ZMYM1: variants seen among roughly 807,000 people sequenced by gnomAD.
The protein encoded by ZMYM1 is zinc finger MYM-type protein 1.
In ZMYM1, 39 loss-of-function variants were observed where a neutral mutation model predicts 60.0. That is an observed-to-expected ratio of 0.65 (90% CI 0.50 to 0.85). The LOEUF (loss-of-function observed/expected upper bound fraction) is 0.85, where lower values mean the gene tolerates loss of function less well. ZMYM1 is among the 40% of genes least tolerant of loss of function. ZMYM1 has a pLI of 0.00. For missense variants in ZMYM1, 1,171 were observed against 1,309.5 expected (o/e 0.89, Z 1.63); for synonymous variants, 413 against 454.0 (o/e 0.91, Z 1.15).
In ZMYM1 at chr1:35,097,258, A is replaced by C; in HGVS notation, c.170-59A>C. On this transcript the variant is annotated intron_variant, in intron 3 of 9. Transcript: ENST00000359858. The stretch of plus-strand genomic sequence containing the variant: ...AAAAAGAAAGAAAGAAAATAAAGGA[A>C]TGCCTACTTAATTTTGTGTAAATAA... 7.3e-6 allele frequency: 11 copies of C among 1,511,376 alleles called. No homozygotes were observed. The South Asian group carries it at 1.5e-4, about 20-fold the overall frequency. The allele number at this position is 1,511,376 out of a possible 1,614,324, so 93.6% of individuals were successfully genotyped here.
chr1:35,072,366 T>C (rs1271007453), intron 1 of ZMYM1, among the ~76,000 whole-genome samples: 1 of 152,220 alleles, frequency 6.6e-6, no homozygotes, highest in African/African-American at 2.4e-5. Context: ...TAGTCTCTTA[T>C]GGTCCTTTGA....
intron 8 of ZMYM1, 64 bp from the exon 9 acceptor site, chr1:35,112,023 G>A (rs902820924): frequency 1.3e-6 from 2 of 1,567,810 alleles, no homozygotes; most frequent in Non-Finnish European, 1.7e-6. Context: ...AGCAAATATA[G>A]TTTATGATGC....
intron 3 of ZMYM1, among the ~76,000 whole-genome samples, chr1:35,096,533 G>GTT (rs1553141513): frequency 0.014 from 1,984 of 140,586 alleles, 45 homozygotes; most frequent in African/African-American, 0.047. Flanking sequence ...GAGGCGGGAG[G>GTT]TTTTTTTTTT....
Position 35,088,665 on chromosome 1 carries a change from A to G in ZMYM1, c.-74-5249A>G, listed in dbSNP as rs570781322. On this transcript the variant is annotated intron_variant, in intron 1 of 9. Coordinates refer to ENST00000359858, the MANE Select transcript of ZMYM1 (RefSeq NM_024772.5). ...AGGGCTATATTAAAAGAAAGTCTGT[A>G]GGACTTATTTTACTCTAATGTGCAT... 4.6e-5 allele frequency among the ~76,000 whole-genome samples: 7 copies of G among 151,566 alleles called. No individual in the cohort carries two copies. In the East Asian group the frequency reaches 1.4e-3, roughly 29 times the overall value.
At chr1:35,065,555 G>A (rs921435224) in intron 1 of ZMYM1, among the ~76,000 whole-genome samples, 2 of 151,606 alleles carry the variant, frequency 1.3e-5, no homozygotes, top group Admixed American at 1.3e-4. Context: ...AGGGTGGTTG[G>A]CCAAGAGTCA....
intron 1 of ZMYM1, among the ~76,000 whole-genome samples, chr1:35,090,430 A>G (rs142886069): frequency 8.5e-5 from 13 of 152,310 alleles, no homozygotes; most frequent in African/African-American, 3.1e-4. Flanking sequence ...AGCTATACCT[A>G]ATATAGGTGA....
At chr1:35,076,816 C>T (rs1290222294), upstream of ZMYM1, among the ~76,000 whole-genome samples, 1 of 151,534 alleles carries the variant, frequency 6.6e-6, no homozygotes, top group Non-Finnish European at 1.5e-5. Flanking sequence ...CCGGTAGTCC[C>T]AGCTACTTGA....
At position 35,115,135 on chromosome 1, in the gene ZMYM1, G is replaced by T. The variant is rs942258784; in HGVS notation, c.3305G>T (p.Gly1102Val). The change falls in exon 10 of 10, where the codon GGA (glycine) becomes GTA (valine). Residue 1102 changes from glycine to valine, a missense_variant. Physicochemically the swap from Gly to Val is moderately radical, Grantham distance 109 (BLOSUM62 -3). Transcript: ENST00000359858. ...RLKTYLCNTMGQEKLTGPALM... is the reference protein window; with the variant it reads ...RLKTYLCNTMVQEKLTGPALM... ...AAGACATATTTATGTAATACCATGG[G>T]ACAAGAGAAGCTTACTGGCCCAGCC... 2 of 1,613,958 alleles carry T rather than the reference G, an allele frequency of 1.2e-6. No homozygotes were observed. Among genetic ancestry groups the T allele is most frequent in the African/African-American group, 2.7e-5 (2 of 74,912 alleles).
At chr1:35,085,891 G>T (rs1642627542) in intron 1 of ZMYM1, among the ~76,000 whole-genome samples, 1 of 151,892 alleles carries the variant, frequency 6.6e-6, no homozygotes. Context: ...CACATACTCT[G>T]TGTCTAAATA....
At chr1:35,067,909 T>C (rs1427991045) in intron 1 of ZMYM1, among the ~76,000 whole-genome samples, 4 of 151,810 alleles carry the variant, frequency 2.6e-5, no homozygotes, top group Non-Finnish European at 5.9e-5. Flanking sequence ...CTTATTCATG[T>C]AACCAAACAC....
chr1:35,094,400 GT>G (rs1643197507), intron 2 of ZMYM1, among the ~76,000 whole-genome samples: 1 of 151,866 alleles, frequency 6.6e-6, no homozygotes, highest in Admixed American at 6.6e-5. Context: ...AACACATTTT[GT>G]TTTTGTTTTT....
At chr1:35,100,104 T>G (rs1054900663) in intron 4 of ZMYM1, among the ~76,000 whole-genome samples, 7 of 152,160 alleles carry the variant, frequency 4.6e-5, no homozygotes, top group Non-Finnish European at 1.0e-4. Flanking sequence ...TTGGCCAGGC[T>G]GGTCTCGAAC....
intron 1 of ZMYM1, among the ~76,000 whole-genome samples, chr1:35,092,298 T>C (rs2148511227): frequency 6.6e-6 from 1 of 152,120 alleles, no homozygotes; most frequent in Admixed American, 6.5e-5. Context: ...AGTGGTGCGA[T>C]CTCAGTTCAC....
In ZMYM1 at chr1:35,065,418, A is replaced by G. The variant is rs909551885; in HGVS notation, c.-301+5493A>G. On this transcript the variant is annotated intron_variant, in intron 1 of 10. Coordinates refer to the ZMYM1 transcript ENST00000417119. ...GCTTACTTTATTGTAAGAATATAGTATATAATACATACAGAAAATATAGTT... is the reference window on the plus strand; with the variant it reads ...GCTTACTTTATTGTAAGAATATAGTGTATAATACATACAGAAAATATAGTT... Among the ~76,000 whole-genome samples, 4 of 152,102 alleles carry G rather than the reference A, an allele frequency of 2.6e-5. No homozygotes were observed. In the East Asian group the frequency reaches 5.8e-4, roughly 22 times the overall value.
Position 35,111,869 on chromosome 1 carries a change from C to CA in ZMYM1, c.1060dup (p.Thr354AsnfsTer11). The CA allele has an allele frequency of 6.2e-7, 1 of 1,604,820 alleles. No homozygotes were observed. On this transcript the variant is annotated frameshift_variant, in exon 8 of 10. Coordinates refer to ENST00000359858, the MANE Select transcript of ZMYM1 (RefSeq NM_024772.5). LOFTEE classifies it high-confidence loss of function. ...TAAGCAATATAGTGTCATTGGCAGA[C>CA]ACCGATGTTGCCTTGCCCATCATGA...
chr1:35,097,558 C>T lies in ZMYM1; in HGVS notation c.411C>T (p.Asn137=), dbSNP rs766459505. Residue 137 remains asparagine (N), a synonymous_variant, in exon 4 of 10, where the codon AAC becomes AAT. Coordinates refer to ENST00000359858, the MANE Select transcript of ZMYM1 (RefSeq NM_024772.5). ...TTCCTTCTAAGAGAACTTGTTCAAA[C>T]TGCTCAAAGTATATAATTCTAAATT... ...SPVPSKRTCS[N]CSKDILNPKD... 3 of 1,614,044 alleles carry T rather than the reference C, an allele frequency of 1.9e-6. No individual in the cohort carries two copies. The East Asian group carries it at 6.7e-5, about 36-fold the overall frequency.
chr1:35,115,148 T>C lies in ZMYM1; in HGVS notation c.3318T>C (p.Leu1106=). 1 of 1,614,124 alleles carries C rather than the reference T, an allele frequency of 6.2e-7. No individual in the cohort carries two copies. Among genetic ancestry groups the C allele is most frequent in the Non-Finnish European group, 8.5e-7 (1 of 1,179,984 alleles). Residue 1106 remains leucine (L), a synonymous_variant, in exon 10 of 10, where the codon CTT becomes CTC. Coordinates refer to ENST00000359858, the MANE Select transcript of ZMYM1 (RefSeq NM_024772.5). ...GTAATACCATGGGACAAGAGAAGCT[T>C]ACTGGCCCAGCCCTAATGGCTGTTG... ...YLCNTMGQEK[L]TGPALMAVEQ...
At chr1:35,073,798 T>A (rs1642116968) in intron 1 of ZMYM1, among the ~76,000 whole-genome samples, 1 of 152,120 alleles carries the variant, frequency 6.6e-6, no homozygotes, top group Non-Finnish European at 1.5e-5. Flanking sequence ...CCTATGATTT[T>A]GTGATGATGT....
At chr1:35,110,883 G>A (rs1440212838) in intron 7 of ZMYM1, among the ~76,000 whole-genome samples, 1 of 152,054 alleles carries the variant, frequency 6.6e-6, no homozygotes, top group Non-Finnish European at 1.5e-5. Context: ...GCAGTGAGCC[G>A]AGATCGCACC....
Sources: gnomAD v4.1 joint callset for allele counts (sites outside exome capture counted in the v4.1 genomes callset) on GRCh38, gnomAD v4.1.1 for gene constraint, MANE v1.5 for transcripts, NCBI Gene and HGNC (gene_info 2026-07-23, HGNC 2026-07-21) for gene names.